The following SCHIP1 variants were observed in gnomAD, a reference collection of about 807,000 sequenced individuals.
The protein encoded by SCHIP1 is schwannomin interacting protein 1, also known as schwannomin-interacting protein 1.
In SCHIP1, 8 loss-of-function variants were observed where a neutral mutation model predicts 29.7. That is an observed-to-expected ratio of 0.27 (90% CI 0.16 to 0.49). The LOEUF (loss-of-function observed/expected upper bound fraction) is 0.49, where lower values mean the gene tolerates loss of function less well. SCHIP1 is among the 20% of genes least tolerant of loss of function. SCHIP1 has a pLI of 0.99. For synonymous variants in SCHIP1, 76 were observed against 94.9 expected, an observed-to-expected ratio of 0.80 and a Z score of 1.16; for missense variants, 193 against 294.6, an observed-to-expected ratio of 0.66 and a Z score of 2.52.
At chr3:159,816,285 A>G in the SCHIP1 span, among the ~76,000 whole-genome samples, 1 of 150,730 alleles carries the variant, frequency 6.6e-6, no homozygotes, top group Non-Finnish European at 1.5e-5. Flanking sequence ...TTATTTATCC[A>G]TTTTTGAGAT....
chr3:159,746,080 G>A, the SCHIP1 span, among the ~76,000 whole-genome samples: 1 of 152,174 alleles, frequency 6.6e-6, no homozygotes, highest in Non-Finnish European at 1.5e-5. Context: ...GGAACATGGG[G>A]TTCATTGTAC....
At chr3:159,623,507 T>A in the SCHIP1 span, among the ~76,000 whole-genome samples, 1 of 152,082 alleles carries the variant, frequency 6.6e-6, no homozygotes, top group Non-Finnish European at 1.5e-5. Flanking sequence ...ATGCCTGTAA[T>A]CCCAGCTACC....
chr3:159,556,418 G>A, the SCHIP1 span, among the ~76,000 whole-genome samples: 1 of 152,004 alleles, frequency 6.6e-6, no homozygotes, highest in Admixed American at 6.6e-5. Flanking sequence ...CCATTACTGG[G>A]TATATACCCA....
chr3:159,491,749 A>G, the SCHIP1 span, among the ~76,000 whole-genome samples: 1 of 152,200 alleles, frequency 6.6e-6, no homozygotes, highest in Non-Finnish European at 1.5e-5. Context: ...CTTTGAAGAG[A>G]GTAGTGGTTC....
the SCHIP1 span, among the ~76,000 whole-genome samples, chr3:159,521,388 T>C: frequency 1.3e-5 from 2 of 152,266 alleles, no homozygotes; most frequent in Non-Finnish European, 2.9e-5. Context: ...ACAGGTATAA[T>C]GTCTTTGGCT....
chr3:159,430,366 A>G, the SCHIP1 span, among the ~76,000 whole-genome samples: 89 of 152,312 alleles, frequency 5.8e-4, no homozygotes, highest in African/African-American at 2.1e-3. Context: ...TTAATTTTAG[A>G]TACAACCTAC....
At chr3:159,280,681 G>T in the SCHIP1 span, among the ~76,000 whole-genome samples, 1 of 152,182 alleles carries the variant, frequency 6.6e-6, no homozygotes, top group South Asian at 2.1e-4. Flanking sequence ...TGCCAGAGAG[G>T]TTTTGGCACT....
chr3:159,338,859 C>T, the SCHIP1 span, among the ~76,000 whole-genome samples: 83 of 152,276 alleles, frequency 5.5e-4, no homozygotes, highest in South Asian at 1.2e-3. Context: ...CTTGAGGAAT[C>T]TGTATCATCC....
At chr3:159,825,863 T>G in the SCHIP1 span, among the ~76,000 whole-genome samples, 3,270 of 151,808 alleles carry the variant, frequency 0.022, 111 homozygotes, top group African/African-American at 0.07. Flanking sequence ...GCAAGAGAGG[T>G]GACTCAGGTG....
chr3:159,324,867 A>G, the SCHIP1 span, among the ~76,000 whole-genome samples: 1 of 152,286 alleles, frequency 6.6e-6, no homozygotes, highest in South Asian at 2.1e-4. Context: ...TAGAATTATT[A>G]CTTATCTGAG....
At chr3:159,368,474 A>T in the SCHIP1 span, among the ~76,000 whole-genome samples, 1 of 152,206 alleles carries the variant, frequency 6.6e-6, no homozygotes, top group Non-Finnish European at 1.5e-5. Flanking sequence ...CAGAAGACCT[A>T]TGCTTAAGTC....
the SCHIP1 span, among the ~76,000 whole-genome samples, chr3:159,324,331 A>G: frequency 6.6e-6 from 1 of 152,314 alleles, no homozygotes; most frequent in South Asian, 2.1e-4. Flanking sequence ...GTTTTGACCA[A>G]TTACAAAATT....
the SCHIP1 span, among the ~76,000 whole-genome samples, chr3:159,577,479 G>T: frequency 1.3e-5 from 2 of 152,172 alleles, no homozygotes; most frequent in African/African-American, 4.8e-5. Context: ...GCTGGTTATT[G>T]TAAGAAAATT....
chr3:159,553,499 AAAAC>A, the SCHIP1 span, among the ~76,000 whole-genome samples: 4 of 152,248 alleles, frequency 2.6e-5, no homozygotes, highest in Admixed American at 1.3e-4. Flanking sequence ...CTCTAGAAGA[AAAAC>A]AAATAGAAAT....
the SCHIP1 span, among the ~76,000 whole-genome samples, chr3:159,368,125 A>T: frequency 6.6e-6 from 1 of 151,870 alleles, no homozygotes; most frequent in Non-Finnish European, 1.5e-5. Context: ...AAACCTCTCC[A>T]CTTCTTAAGT....
the SCHIP1 span, among the ~76,000 whole-genome samples, chr3:159,802,794 C>A: frequency 5.9e-5 from 9 of 152,174 alleles, no homozygotes; most frequent in African/African-American, 2.2e-4. Flanking sequence ...GCTAGGACTT[C>A]AGAAAGGATA....
the SCHIP1 span, among the ~76,000 whole-genome samples, chr3:159,600,680 C>G: frequency 2.6e-5 from 4 of 151,942 alleles, no homozygotes; most frequent in African/African-American, 9.7e-5. Context: ...TTAACATTTT[C>G]TTTTTAAGAT....
the SCHIP1 span, among the ~76,000 whole-genome samples, chr3:159,408,170 C>A: frequency 2.6e-5 from 4 of 151,862 alleles, no homozygotes; most frequent in African/African-American, 9.7e-5. Context: ...TGGTGGCAGG[C>A]ACCTGTAGTA....
At chr3:159,305,020 T>A in the SCHIP1 span, among the ~76,000 whole-genome samples, 1 of 152,116 alleles carries the variant, frequency 6.6e-6, no homozygotes, top group East Asian at 1.9e-4. Context: ...TTTTTTCAAA[T>A]CTTTAAACCA....
Sources: allele counts gnomAD v4.1 joint callset (sites outside exome capture counted in the v4.1 genomes callset), GRCh38; gene constraint gnomAD v4.1.1; transcripts MANE v1.5; gene names NCBI Gene and HGNC (gene_info 2026-07-23, HGNC 2026-07-21).